The following TTC39B variants were observed in gnomAD, a reference collection of about 807,000 sequenced individuals.
The protein encoded by TTC39B is tetratricopeptide repeat protein 39B.
TTC39B carries 92 observed loss-of-function variants against 96.6 expected under a neutral mutation model. The observed-to-expected ratio is 0.95, with a 90% confidence interval of 0.80 to 1.13. The LOEUF (loss-of-function observed/expected upper bound fraction) is 1.13, where lower values mean the gene tolerates loss of function less well. TTC39B is among the 50% of genes most tolerant of loss of function. TTC39B has a pLI of 0.00. For synonymous variants in TTC39B, 367 were observed against 299.4 expected (o/e 1.23, Z -2.33); for missense variants, 955 against 809.3 (o/e 1.18, Z -2.18).
intron 19 of TTC39B, among the ~76,000 whole-genome samples, chr9:15,173,338 C>T (rs1817759477): frequency 6.6e-6 from 1 of 152,132 alleles, no homozygotes; most frequent in Admixed American, 6.6e-5. Context: ...CTTGGCTCTA[C>T]CATGCCCGTA....
intron 13 of TTC39B, among the ~76,000 whole-genome samples, chr9:15,188,378 G>A (rs1270811814): frequency 1.3e-5 from 2 of 152,164 alleles, no homozygotes; most frequent in Non-Finnish European, 2.9e-5. Context: ...TTCCAAGGAA[G>A]ATATCAAATG....
intron 8 of TTC39B, among the ~76,000 whole-genome samples, chr9:15,196,693 T>C (rs1819190827): frequency 6.6e-6 from 1 of 152,210 alleles, no homozygotes; most frequent in East Asian, 1.9e-4. Flanking sequence ...ACAAACATTG[T>C]TGAAATGACA....
intron 2 of TTC39B, among the ~76,000 whole-genome samples, chr9:15,258,144 G>C (rs1282171385): frequency 6.6e-6 from 1 of 152,148 alleles, no homozygotes; most frequent in East Asian, 1.9e-4. Context: ...GAGAACAAAA[G>C]AAGCGGGAAC....
chr9:15,283,171 T>C (rs1390984371), intron 1 of TTC39B, among the ~76,000 whole-genome samples: 1 of 152,128 alleles, frequency 6.6e-6, no homozygotes, highest in East Asian at 1.9e-4. Context: ...AATAAATGAA[T>C]GAGTACAGGA....
Position 15,306,109 on chromosome 9 carries a change from C to A in TTC39B, c.240+975G>T, listed in dbSNP as rs1384903899. Among the ~76,000 whole-genome samples the A allele has an allele frequency of 6.6e-6, 1 of 152,194 alleles. No individual in the cohort carries two copies. Among genetic ancestry groups the A allele is most frequent in the Non-Finnish European group, 1.5e-5 (1 of 68,044 alleles). On this transcript the variant is annotated intron_variant, in intron 1 of 19. Coordinates refer to ENST00000512701, the Ensembl canonical transcript of TTC39B. This position sits in a 1 kb window ranked among gnomAD's most constrained non-coding sequence, Gnocchi z 5.1. ...GGAAACTTAACCGCCTCCTCCAGAT[C>A]GTCCACTATTGCATCATTTGAAACC...
intron 2 of TTC39B, among the ~76,000 whole-genome samples, chr9:15,267,211 C>CAAT (rs1436046274): frequency 6.6e-6 from 1 of 152,220 alleles, no homozygotes; most frequent in Non-Finnish European, 1.5e-5. Context: ...TTAACTCAGA[C>CAAT]TTCTAGCCTC....
chr9:15,291,249 G>C (rs552201591), intron 1 of TTC39B, among the ~76,000 whole-genome samples: 1 of 152,338 alleles, frequency 6.6e-6, no homozygotes, highest in East Asian at 1.9e-4. Context: ...CGCTGTGGGA[G>C]GGACCCAGTG....
intron 13 of TTC39B, among the ~76,000 whole-genome samples, chr9:15,189,220 C>T (rs967850970): frequency 2.6e-5 from 4 of 152,118 alleles, no homozygotes; most frequent in African/African-American, 9.7e-5. Context: ...ACGTAGTAGA[C>T]CTGCATGTCA....
intron 2 of TTC39B, among the ~76,000 whole-genome samples, chr9:15,259,144 T>C (rs1411958249): frequency 2.6e-5 from 4 of 152,160 alleles, no homozygotes; most frequent in Admixed American, 6.5e-5. Flanking sequence ...CTATATACCA[T>C]TGACTCTATG....
chr9:15,256,353 G>A (rs1822751153), intron 2 of TTC39B, among the ~76,000 whole-genome samples: 1 of 152,156 alleles, frequency 6.6e-6, no homozygotes, highest in Non-Finnish European at 1.5e-5. Context: ...AATTTCCATT[G>A]TTTATAAATT....
intron 2 of TTC39B, chr9:15,249,280 T>C (rs1449050185): frequency 6.6e-6 from 1 of 152,182 alleles, no homozygotes; most frequent in Non-Finnish European, 1.5e-5. Context: ...CCAGCATTGA[T>C]TCTGATGCAC....
chr9:15,218,314 G>A (rs1206944849), intron 3 of TTC39B, among the ~76,000 whole-genome samples: 2 of 151,882 alleles, frequency 1.3e-5, no homozygotes, highest in Non-Finnish European at 2.9e-5. Context: ...CTCTAGCCTT[G>A]TGACCTTCAC....
chr9:15,239,287 A>T (rs868222223), intron 2 of TTC39B, among the ~76,000 whole-genome samples: 15 of 152,340 alleles, frequency 9.8e-5, no homozygotes, highest in African/African-American at 3.6e-4. Flanking sequence ...TTGCTTATGG[A>T]GAAAAGGGAA....
rs953302168 is a variant in TTC39B at position 15,185,389 on chromosome 9, T to G, written c.1505A>C (p.Lys502Thr). 13 of 1,613,684 alleles carry G rather than the reference T, an allele frequency of 8.1e-6. No homozygotes were observed. The African/African-American group carries it at 1.7e-4, about 22-fold the overall frequency. The change falls in exon 16 of 20, where the codon AAG (lysine) becomes ACG (threonine). Residue 502 changes from lysine to threonine, a missense_variant. Transcript: ENST00000512701. ...GATAGATTTCCCGGCAATTCTCTGCTTCAAGCTGTCCACCTGTCTGTGAAG... is the reference window on the plus strand; with the variant it reads ...GATAGATTTCCCGGCAATTCTCTGCGTCAAGCTGTCCACCTGTCTGTGAAG...
chr9:15,206,210 A>G lies in TTC39B; in HGVS notation c.692-2320T>C, dbSNP rs558187935. Among the ~76,000 whole-genome samples, 340 of 152,096 alleles carry G rather than the reference A, an allele frequency of 2.2e-3. 4 individuals are homozygous for G. Among genetic ancestry groups the G allele is most frequent in the African/African-American group, 7.9e-3 (327 of 41,350 alleles). On this transcript the variant is annotated intron_variant, in intron 6 of 19. Transcript: ENST00000512701. ...TCATTGCATTTAAATATCTGTTTGT[A>G]AAGGCAATTTGAAACCCATTTGGGG...
intron 1 of TTC39B, among the ~76,000 whole-genome samples, chr9:15,297,928 G>A (rs1204241362): frequency 6.6e-6 from 1 of 152,148 alleles, no homozygotes; most frequent in African/African-American, 2.4e-5. Context: ...AGAGAGAACA[G>A]GTAAAGATTT....
chr9:15,299,128 C>A (rs1344962491), intron 1 of TTC39B, among the ~76,000 whole-genome samples: 4 of 152,212 alleles, frequency 2.6e-5, no homozygotes, highest in Non-Finnish European at 4.4e-5. Context: ...TAACCTGAGG[C>A]AGGAGCTGCA....
intron 1 of TTC39B, among the ~76,000 whole-genome samples, chr9:15,277,444 T>G (rs1029468962): frequency 1.3e-5 from 2 of 151,970 alleles, no homozygotes; most frequent in Admixed American, 1.3e-4. Flanking sequence ...ACAACGTAAT[T>G]TATGAGCACA....
intron 1 of TTC39B, among the ~76,000 whole-genome samples, chr9:15,270,634 A>G (rs991997709): frequency 6.6e-6 from 1 of 151,672 alleles, no homozygotes; most frequent in Non-Finnish European, 1.5e-5. Flanking sequence ...AAAAAAGAAT[A>G]TCAAGCCAGG....
Sources: gnomAD v4.1 joint callset for allele counts (sites outside exome capture counted in the v4.1 genomes callset) on GRCh38, gnomAD v4.1.1 for gene constraint, Gnocchi (gnomAD v3.1) non-coding constraint, MANE v1.5 for transcripts, NCBI Gene and HGNC (gene_info 2026-07-23, HGNC 2026-07-21) for gene names.